The following FADD variants were observed in gnomAD, a reference collection of about 807,000 sequenced individuals.
The protein encoded by FADD is FAS-associated death domain protein.
FADD carries 3 observed loss-of-function variants against 5.8 expected under a neutral mutation model. The observed-to-expected ratio is 0.52, with a 90% confidence interval of 0.24 to 1.34. The LOEUF is 1.34. Ranked by LOEUF, FADD falls within the 40% of genes most tolerant of loss-of-function variation. The pLI is 0.17. For missense variants in FADD, 249 were observed against 286.7 expected (o/e 0.87, Z 0.95); for synonymous variants, 138 against 130.8 (o/e 1.06, Z -0.38).
intron 1 of FADD, among the ~76,000 whole-genome samples, chr11:70,205,164 A>G (rs549244335): frequency 3.3e-5 from 5 of 152,268 alleles, no homozygotes; most frequent in African/African-American, 9.6e-5. Flanking sequence ...ACACCTGCCA[A>G]CGGTGTCTCA....
At position 70,206,813 on chromosome 11, in the gene FADD, CGGA is replaced by C; in HGVS notation, c.*345_*347del. 6.0e-6 allele frequency: 2 copies of C among 333,510 alleles called. No homozygotes were observed. Among genetic ancestry groups the C allele is most frequent in the Non-Finnish European group, 1.1e-5 (2 of 174,954 alleles). 20.7% of individuals were successfully genotyped at this position (333,510 alleles called of 1,614,324 possible). A position where few individuals can be genotyped will look rare whatever the true frequency, so the allele number is the denominator to read the frequency against. On this transcript the variant is annotated 3_prime_UTR_variant, in exon 2 of 2. Transcript: ENST00000301838. ...GAGCAGTCACACTGTTACTCCACAG[CGGA>C]GGAGACCAGCTCAGAGGCCCAGGAA...
In FADD at chr11:70,206,152, C is replaced by T. The variant is rs775250989; in HGVS notation, c.306C>T (p.Asn102=). ...PGEEDLCAAF[N]VICDNVGKDW... is the part of the protein sequence containing the mutation. ...TCCCAGACCTGTGTGCAGCATTTAA[C>T]GTCATATGTGATAATGTGGGGAAAG... is the stretch of plus-strand genomic sequence containing the variant. Residue 102 remains asparagine (N), a synonymous_variant, in exon 2 of 2, where the codon AAC becomes AAT. Coordinates refer to ENST00000301838, the MANE Select transcript of FADD (RefSeq NM_003824.4). 5 of 1,613,864 alleles carry T rather than the reference C, an allele frequency of 3.1e-6. No individual in the cohort carries two copies. Among genetic ancestry groups the T allele is most frequent in the Admixed American group, 3.3e-5 (2 of 59,998 alleles).
At chr11:70,203,879 T>A in intron 1 of FADD, 134 bp downstream of exon 1, 1 of 445,798 alleles carries the variant, frequency 2.2e-6, no homozygotes, top group Non-Finnish European at 3.8e-6. Flanking sequence ...CGTACAGCCC[T>A]GGTTTTGCAG....
intron 1 of FADD, among the ~76,000 whole-genome samples, chr11:70,204,635 C>CTT (rs1180631811): frequency 6.6e-6 from 1 of 152,084 alleles, no homozygotes; most frequent in Non-Finnish European, 1.5e-5. Context: ...GGGTTTCACT[C>CTT]TGTAAAGACT....
chr11:70,203,455 C>T lies in FADD; in HGVS notation c.-5C>T. ...CCGCAGCCCCGGCCGCTTGCAGACC[C>T]CGCCATGGACCCGTTCCTGGTGCTG... is the stretch of plus-strand genomic sequence containing the variant. On this transcript the variant is annotated 5_prime_UTR_variant, in exon 1 of 2. Coordinates refer to ENST00000301838, the MANE Select transcript of FADD (RefSeq NM_003824.4). 6.4e-7 allele frequency: 1 copy of T among 1,570,314 alleles called. No homozygotes were observed. The highest frequency in any genetic ancestry group is 8.6e-7 in the Non-Finnish European group (1 of 1,158,056).
chr11:70,204,341 G>A lies in FADD; in HGVS notation c.286+596G>A, dbSNP rs41268219. Among the ~76,000 whole-genome samples, 291 of 152,336 alleles carry A rather than the reference G, an allele frequency of 1.9e-3. 2 individuals carry two copies. Among genetic ancestry groups the A allele is most frequent in the African/African-American group, 6.8e-3 (281 of 41,572 alleles). On this transcript the variant is annotated intron_variant, in intron 1 of 1. Coordinates refer to ENST00000301838, the MANE Select transcript of FADD (RefSeq NM_003824.4). ...GAGCCAAGCAGTCCGGCCTCCGGAT[G>A]GGTAGTGTTAGCCACTACACTGCCT...
chr11:70,206,396 C>T lies in FADD; in HGVS notation c.550C>T (p.Arg184Cys), dbSNP rs1052384514. 6 of 1,613,982 alleles carry T rather than the reference C, an allele frequency of 3.7e-6. No individual in the cohort carries two copies. The highest frequency in any genetic ancestry group is 1.3e-5 in the African/African-American group (1 of 74,904). ...ADLVQEVQQA[R>C]DLQNRSGAMS... is the part of the protein sequence containing the mutation. The stretch of plus-strand genomic sequence containing the variant: ...CCTGGTACAAGAGGTTCAGCAGGCC[C>T]GTGACCTCCAGAACAGGAGTGGGGC... The change falls in exon 2 of 2, where the codon CGT becomes TGT. Residue 184 changes from arginine (R) to cysteine (C), a missense_variant. Physicochemically the swap from Arg to Cys is radical, Grantham distance 180. Coordinates refer to ENST00000301838, the MANE Select transcript of FADD (RefSeq NM_003824.4).
intron 1 of FADD, 48 bp from the exon 2 acceptor site, chr11:70,206,085 C>CGAA: frequency 6.6e-7 from 1 of 1,519,014 alleles, no homozygotes; most frequent in Non-Finnish European, 9.1e-7. Context: ...ATTGTGGGGT[C>CGAA]GCTTGTCTCC....
intron 1 of FADD, 142 bp from the exon 2 acceptor site, chr11:70,205,991 C>A (rs1337433283): frequency 6.7e-6 from 5 of 748,780 alleles, no homozygotes; most frequent in Middle Eastern, 3.1e-4. Context: ...TGCTGCCAGG[C>A]GACTCTAGCC....
At chr11:70,206,017 G>A (rs535232965) in intron 1 of FADD, 116 bp from the exon 2 acceptor site, 21 of 878,342 alleles carry the variant, frequency 2.4e-5, no homozygotes, top group Middle Eastern at 2.3e-4. Flanking sequence ...AGAGGACCTC[G>A]TGTAGGCACC....
chr11:70,204,710 T>A (rs1417113612), intron 1 of FADD, among the ~76,000 whole-genome samples: 4 of 152,026 alleles, frequency 2.6e-5, no homozygotes, highest in African/African-American at 4.8e-5. Context: ...GTCCAGATTT[T>A]AAAAAAAATC....
chr11:70,207,390 A>C lies in FADD; in HGVS notation c.*917A>C, dbSNP rs569948376. ...CTTTACAACTTCCATACTACAAAAA[A>C]TTTTCTATTCCTGTTGGTGGTTCTT... On this transcript the variant is annotated 3_prime_UTR_variant, in exon 2 of 2. Coordinates refer to ENST00000301838, the MANE Select transcript of FADD (RefSeq NM_003824.4). The C allele has an allele frequency of 6.6e-6, 1 of 152,028 alleles. No individual in the cohort carries two copies. Among genetic ancestry groups the C allele is most frequent in the South Asian group, 2.1e-4 (1 of 4,828 alleles). 9.4% of individuals were successfully genotyped at this position (152,028 alleles called of 1,614,324 possible). A position where few individuals can be genotyped will look rare whatever the true frequency, so the allele number is the denominator to read the frequency against.
At chr11:70,203,812 T>C in intron 1 of FADD, 67 bp downstream of exon 1, 1 of 774,586 alleles carries the variant, frequency 1.3e-6, no homozygotes. Context: ...GCGAGGCTCC[T>C]CCGGTTGGCC....
chr11:70,205,555 T>G (rs759828149), intron 1 of FADD, among the ~76,000 whole-genome samples: 1 of 152,172 alleles, frequency 6.6e-6, no homozygotes, highest in Non-Finnish European at 1.5e-5. Context: ...GCTCCAGGCA[T>G]TCTTTGACTT....
At chr11:70,204,892 G>A (rs559117515) in intron 1 of FADD, among the ~76,000 whole-genome samples, 117 of 152,316 alleles carry the variant, frequency 7.7e-4, no homozygotes, top group African/African-American at 2.7e-3. Flanking sequence ...TGTGTGCTGG[G>A]AAAAGTACAC....
At position 70,203,546 on chromosome 11, in the gene FADD, G is replaced by A. The variant is rs774758911; in HGVS notation, c.87G>A (p.Gly29=). Residue 29 remains glycine, a synonymous_variant, in exon 1 of 2, where the codon GGG becomes GGA. Coordinates refer to ENST00000301838, the MANE Select transcript of FADD (RefSeq NM_003824.4). ...CCGAGCTCAAGTTCCTATGCCTCGG[G>A]CGCGTGGGCAAGCGCAAGCTGGAGC... ...ELTELKFLCL[G]RVGKRKLERV... 2 of 1,612,304 alleles carry A rather than the reference G, an allele frequency of 1.2e-6. No individual in the cohort carries two copies. The highest frequency in any genetic ancestry group is 1.7e-5 in the Admixed American group (1 of 59,994).
Position 70,203,613 on chromosome 11 carries a change from C to G in FADD, c.154C>G (p.Gln52Glu). Reference sequence around the variant, plus strand: ...AGACCTCTTCTCCATGCTGCTGGAGCAGAACGACCTGGAGCCCGGGCACAC... The same window carrying G: ...AGACCTCTTCTCCATGCTGCTGGAGGAGAACGACCTGGAGCCCGGGCACAC... ...GLDLFSMLLE[Q>E]NDLEPGHTEL... The change falls in exon 1 of 2, where the codon CAG (glutamine) becomes GAG (glutamate). Residue 52 changes from glutamine to glutamate, a missense_variant. Physicochemically the swap from Gln to Glu is conservative, Grantham distance 29 (BLOSUM62 2). Transcript: ENST00000301838. 1 of 1,605,634 alleles carries G rather than the reference C, an allele frequency of 6.2e-7. No homozygotes were observed.
rs547112533 is a variant in FADD, at chr11:70,203,388, A to G, written c.-72A>G. The G allele has an allele frequency of 1.9e-6, 3 of 1,542,632 alleles. No individual in the cohort carries two copies. Among genetic ancestry groups the G allele is most frequent in the Non-Finnish European group, 2.6e-6 (3 of 1,144,290 alleles). On this transcript the variant is annotated 5_prime_UTR_variant, in exon 1 of 2. Coordinates refer to ENST00000301838, the MANE Select transcript of FADD (RefSeq NM_003824.4). ...GCTGGGCAAGCGGCGAGACCTGGCC[A>G]GGGCCAGCGAGCCGAGGACAGAGGG... is the stretch of plus-strand genomic sequence containing the variant.
At chr11:70,204,427 C>T (rs530738432) in intron 1 of FADD, among the ~76,000 whole-genome samples, 1 of 152,294 alleles carries the variant, frequency 6.6e-6, no homozygotes, top group Admixed American at 6.5e-5. Flanking sequence ...CCCTCTCCAC[C>T]CTCGCCTGTG....
Sources: gnomAD v4.1 joint callset for allele counts (sites outside exome capture counted in the v4.1 genomes callset) on GRCh38, gnomAD v4.1.1 for gene constraint, MANE v1.5 for transcripts, NCBI Gene and HGNC (gene_info 2026-07-23, HGNC 2026-07-21) for gene names.